CIROZ: variants seen among roughly 807,000 people sequenced by gnomAD.
The protein encoded by CIROZ is ciliated left-right organizer ZP-N domains-containing protein.
chr1:10,980,829 G>T, the CIROZ span, among the ~76,000 whole-genome samples: 1 of 152,210 alleles, frequency 6.6e-6, no homozygotes, highest in East Asian at 1.9e-4. Context: ...GAGACATGAT[G>T]CTCCATCCCC....
chr1:10,951,745 A>AAAAAAAAAAAATATATATATAT, the CIROZ span, among the ~76,000 whole-genome samples: 1 of 119,206 alleles, frequency 8.4e-6, no homozygotes, highest in African/African-American at 3.6e-5. Flanking sequence ...AAAAAAAAAA[A>AAAAAAAAAAAATATATATATAT]ATATATATAT....
the CIROZ span, among the ~76,000 whole-genome samples, chr1:10,947,443 C>T: frequency 1.1e-4 from 17 of 152,352 alleles, no homozygotes; most frequent in African/African-American, 1.7e-4. Context: ...GCTTGGATGG[C>T]CCCAGTGACT....
the CIROZ span, among the ~76,000 whole-genome samples, chr1:10,956,238 G>A: frequency 0.019 from 2,900 of 152,168 alleles, 105 homozygotes; most frequent in African/African-American, 0.066. Flanking sequence ...TCCAGATTCC[G>A]GACCTCTTTA....
At chr1:10,954,403 G>A in the CIROZ span, among the ~76,000 whole-genome samples, 1 of 150,268 alleles carries the variant, frequency 6.7e-6, no homozygotes, top group Non-Finnish European at 1.5e-5. Context: ...TCAGTGAGCC[G>A]AGATCGCGCC....
At chr1:10,954,469 A>G in the CIROZ span, among the ~76,000 whole-genome samples, 2 of 104,352 alleles carry the variant, frequency 1.9e-5, no homozygotes, top group African/African-American at 1.2e-4. Context: ...AAAAAAAAAG[A>G]AAAGAAAAGA....
At chr1:10,948,071 G>A in the CIROZ span, 95 of 1,613,292 alleles carry the variant, frequency 5.9e-5, no homozygotes, top group Non-Finnish European at 7.5e-5. Flanking sequence ...TGGGCATCCC[G>A]GTGAGTTCAG....
At chr1:10,955,073 G>A in the CIROZ span, 5 of 1,613,916 alleles carry the variant, frequency 3.1e-6, no homozygotes, top group African/African-American at 4.0e-5. Flanking sequence ...TTGGACTGGT[G>A]GACTCGGAGG....
chr1:10,958,879 G>C, the CIROZ span: 2 of 885,732 alleles, frequency 2.3e-6, no homozygotes, highest in Non-Finnish European at 3.5e-6. Context: ...CTGTGCCGCA[G>C]GGTTGTTTGC....
the CIROZ span, among the ~76,000 whole-genome samples, chr1:10,962,097 C>G: frequency 6.6e-6 from 1 of 152,106 alleles, no homozygotes; most frequent in Admixed American, 6.6e-5. Flanking sequence ...GATGCCCACC[C>G]AAATCCCTCA....
the CIROZ span, among the ~76,000 whole-genome samples, chr1:10,977,404 G>C: frequency 6.6e-6 from 1 of 151,932 alleles, no homozygotes; most frequent in African/African-American, 2.4e-5. Flanking sequence ...AATTGCTTGA[G>C]CCCAGTAGGC....
the CIROZ span, chr1:10,956,941 A>G: frequency 1.6e-6 from 2 of 1,230,446 alleles, no homozygotes; most frequent in South Asian, 2.8e-5. Context: ...AGAGGGGAAT[A>G]AGGTGCCCAG....
At chr1:10,955,167 C>T in the CIROZ span, 16 of 1,604,878 alleles carry the variant, frequency 1.0e-5, no homozygotes, top group East Asian at 1.1e-4. Context: ...CTAAGACCTC[C>T]GACTCTGGCT....
the CIROZ span, chr1:10,947,892 C>T: frequency 3.1e-6 from 5 of 1,613,284 alleles, no homozygotes; most frequent in South Asian, 4.4e-5. Flanking sequence ...GTGTGCAACC[C>T]CCCACTCCTC....
the CIROZ span, chr1:10,949,420 G>A: frequency 6.2e-6 from 4 of 648,340 alleles, no homozygotes; most frequent in Non-Finnish European, 1.0e-5. Context: ...GCTGCCCTCA[G>A]GTGGGAGCTC....
chr1:10,975,267 G>A, the CIROZ span, among the ~76,000 whole-genome samples: 26 of 152,180 alleles, frequency 1.7e-4, no homozygotes, highest in Admixed American at 4.6e-4. Flanking sequence ...TTAGCCAGGC[G>A]TGGTGGCTCA....
the CIROZ span, among the ~76,000 whole-genome samples, chr1:10,950,072 T>C: frequency 6.8e-6 from 1 of 146,162 alleles, no homozygotes; most frequent in African/African-American, 2.6e-5. Context: ...TCTCACTCTG[T>C]GGCCAGGCTG....
chr1:10,975,249 T>C, the CIROZ span, among the ~76,000 whole-genome samples: 2 of 151,322 alleles, frequency 1.3e-5, no homozygotes, highest in African/African-American at 4.9e-5. Flanking sequence ...CTACTAAAAA[T>C]GCAAAAATTA....
the CIROZ span, chr1:10,948,692 C>A: frequency 6.3e-7 from 1 of 1,597,378 alleles, no homozygotes; most frequent in South Asian, 1.1e-5. Flanking sequence ...CCGAGGGGAG[C>A]GTGGCTGGAG....
At chr1:10,964,199 T>C in the CIROZ span, 43 of 1,614,102 alleles carry the variant, frequency 2.7e-5, no homozygotes, top group Non-Finnish European at 3.3e-5. Context: ...CACTTCATTA[T>C]GTAGCGATCA....
Sources: allele counts gnomAD v4.1 joint callset (sites outside exome capture counted in the v4.1 genomes callset), GRCh38; gene constraint gnomAD v4.1.1; transcripts MANE v1.5; gene names NCBI Gene and HGNC (gene_info 2026-07-23, HGNC 2026-07-21).